Variants in CSMD1 observed in about 807,000 individuals in gnomAD.
CSMD1 encodes the protein CUB and Sushi multiple domains 1.
Under a neutral mutation model 417.5 loss-of-function variants are expected in CSMD1, and 213 were observed. The observed-to-expected ratio is 0.51, with a 90% CI of 0.46 to 0.57. CSMD1 has a LOEUF of 0.57. Among genes scored for constraint, CSMD1 ranks in the 20% least tolerant of loss-of-function variants. CSMD1 has a pLI of 0.00. For synonymous variants in CSMD1, 2,862 were observed against 1,736.8 expected (o/e 1.65, Z -16.11); for missense variants, 6,923 against 4,529.7 (o/e 1.53, Z -15.17).
chr8:3,714,276 A>G (rs528178278), intron 6 of CSMD1, among the ~76,000 whole-genome samples: 2 of 151,322 alleles, frequency 1.3e-5, no homozygotes, highest in African/African-American at 2.4e-5. Flanking sequence ...TCTTACAATT[A>G]TTTAATCAAT....
At chr8:4,933,300 C>A (rs1807378090) in intron 1 of CSMD1, among the ~76,000 whole-genome samples, 1 of 152,160 alleles carries the variant, frequency 6.6e-6, no homozygotes, top group Non-Finnish European at 1.5e-5. Context: ...GGAGCACAAC[C>A]TGTCCAGCTG....
intron 1 of CSMD1, among the ~76,000 whole-genome samples, chr8:4,684,030 G>C (rs77140956): frequency 6.6e-6 from 1 of 152,162 alleles, no homozygotes; most frequent in Non-Finnish European, 1.5e-5. Flanking sequence ...TTGTACATCA[G>C]TATGATGGCA....
intron 1 of CSMD1, among the ~76,000 whole-genome samples, chr8:4,761,167 A>G (rs1343666046): frequency 1.3e-5 from 2 of 152,144 alleles, no homozygotes; most frequent in Non-Finnish European, 2.9e-5. Context: ...GTCACTATGA[A>G]AGCGAAATCT....
At chr8:4,364,160 A>T (rs1801937123) in intron 3 of CSMD1, among the ~76,000 whole-genome samples, 1 of 152,186 alleles carries the variant, frequency 6.6e-6, no homozygotes, top group South Asian at 2.1e-4. Flanking sequence ...TGTACTTCAT[A>T]AATATATATA....
At chr8:4,147,103 C>G (rs574095744) in intron 3 of CSMD1, among the ~76,000 whole-genome samples, 3 of 152,018 alleles carry the variant, frequency 2.0e-5, no homozygotes, top group African/African-American at 7.2e-5. Flanking sequence ...CTGTTTAGAA[C>G]CATCCCCTCC....
At chr8:4,761,822 A>G (rs139109175) in intron 1 of CSMD1, among the ~76,000 whole-genome samples, 7 of 151,252 alleles carry the variant, frequency 4.6e-5, no homozygotes, top group Non-Finnish European at 1.0e-4. Context: ...ATAAAATAGC[A>G]AAATAGTACC....
At chr8:3,900,676 G>T (rs1366405268) in intron 5 of CSMD1, among the ~76,000 whole-genome samples, 3 of 152,074 alleles carry the variant, frequency 2.0e-5, no homozygotes, top group Admixed American at 6.6e-5. Flanking sequence ...GTAGCTAGGT[G>T]ACAGTGTAGC....
intron 6 of CSMD1, among the ~76,000 whole-genome samples, chr8:3,741,564 T>A (rs962181464): frequency 6.6e-6 from 1 of 152,250 alleles, no homozygotes; most frequent in African/African-American, 2.4e-5. Flanking sequence ...TGATATGCAT[T>A]TTTTGACTTC....
chr8:3,738,799 T>C (rs1335680864), intron 6 of CSMD1, among the ~76,000 whole-genome samples: 3 of 152,202 alleles, frequency 2.0e-5, no homozygotes, highest in Non-Finnish European at 2.9e-5. Context: ...ACTATACAGA[T>C]AGGCTCACAC....
At chr8:3,495,370 G>A (rs535586181) in intron 10 of CSMD1, among the ~76,000 whole-genome samples, 1 of 152,268 alleles carries the variant, frequency 6.6e-6, no homozygotes, top group East Asian at 1.9e-4. Flanking sequence ...AATTCATTAA[G>A]GTTTGTGTGT....
At chr8:3,294,347 A>T (rs996205644) in intron 25 of CSMD1, among the ~76,000 whole-genome samples, 15 of 152,186 alleles carry the variant, frequency 9.9e-5, no homozygotes, top group Non-Finnish European at 1.6e-4. Flanking sequence ...CGCTCTTCAA[A>T]GCTGTCAGAC....
Position 3,553,244 on chromosome 8 carries a change from A to G in CSMD1, c.1344+21701T>C, listed in dbSNP as rs140347022. ...GAAGATACCTAGGTAGGCTTTCAGT[A>G]ATGTAGCCATAGTTCGGAGCTGCAG... On this transcript the variant is annotated intron_variant, in intron 10 of 69. Coordinates refer to ENST00000635120, the MANE Select transcript of CSMD1 (RefSeq NM_033225.6). Among the ~76,000 whole-genome samples, 782 of 152,326 alleles carry G rather than the reference A, an allele frequency of 5.1e-3. 10 individuals are homozygous for G. The highest frequency in any genetic ancestry group is 0.018 in the African/African-American group (756 of 41,574).
intron 1 of CSMD1, among the ~76,000 whole-genome samples, chr8:4,709,236 T>A (rs1808138962): frequency 6.6e-6 from 1 of 152,132 alleles, no homozygotes; most frequent in African/African-American, 2.4e-5. Context: ...AGGCTACTCT[T>A]GTAGACTGGT....
rs1345003449 is a variant in CSMD1, at chr8:4,069,907, G to GT, written c.416-37809dup. Among the ~76,000 whole-genome samples the GT allele has an allele frequency of 3.3e-5, 5 of 151,802 alleles. No homozygotes were observed. The East Asian group carries it at 9.7e-4, about 30-fold the overall frequency. On this transcript the variant is annotated intron_variant, in intron 3 of 69. Coordinates refer to ENST00000635120, the MANE Select transcript of CSMD1 (RefSeq NM_033225.6). ...TTTTGTTTTGTTTTGTTTTGTTTTT[G>GT]TTTTTTACCACTTTGTATAAAATTG...
intron 5 of CSMD1, among the ~76,000 whole-genome samples, chr8:3,828,353 G>A (rs922024570): frequency 6.6e-6 from 1 of 152,140 alleles, no homozygotes; most frequent in African/African-American, 2.4e-5. Context: ...TTAAGAATCT[G>A]TTAGGATTTT....
intron 2 of CSMD1, among the ~76,000 whole-genome samples, chr8:4,530,467 T>C (rs1487007822): frequency 1.3e-5 from 2 of 151,424 alleles, no homozygotes; most frequent in Non-Finnish European, 2.9e-5. Flanking sequence ...ATGCATTAGG[T>C]ATTTGTCCTA....
intron 3 of CSMD1, among the ~76,000 whole-genome samples, chr8:4,200,311 G>A (rs896742497): frequency 6.6e-6 from 1 of 152,054 alleles, no homozygotes; most frequent in Non-Finnish European, 1.5e-5. Context: ...TGCTTAGAGT[G>A]TCACTTAGAT....
chr8:4,848,404 C>G (rs1265843077), intron 1 of CSMD1, among the ~76,000 whole-genome samples: 5 of 152,184 alleles, frequency 3.3e-5, no homozygotes, highest in Admixed American at 2.6e-4. Flanking sequence ...TTCCTATGAG[C>G]TAGTAATGGC....
intron 3 of CSMD1, among the ~76,000 whole-genome samples, chr8:4,176,735 A>G (rs1336855780): frequency 6.6e-6 from 1 of 150,446 alleles, no homozygotes; most frequent in African/African-American, 2.5e-5. Context: ...ATGGAGGAAG[A>G]TCTACCAAGC....
Sources: allele counts gnomAD v4.1 joint callset (sites outside exome capture counted in the v4.1 genomes callset), GRCh38; gene constraint gnomAD v4.1.1; transcripts MANE v1.5; gene names NCBI Gene and HGNC (gene_info 2026-07-23, HGNC 2026-07-21).